ADRA1A: variants seen among roughly 807,000 people sequenced by gnomAD.
ADRA1A encodes adrenoceptor alpha 1A.
A neutral mutation model predicts 29.6 loss-of-function variants in ADRA1A; 31 were observed. The ratio of observed to expected loss-of-function variants is 1.05; its 90% confidence interval spans 0.79 to 1.41. ADRA1A has a LOEUF of 1.41. Among genes scored for constraint, ADRA1A ranks in the 40% most tolerant of loss-of-function variants. ADRA1A has a pLI of 0.00. For synonymous variants in ADRA1A, 311 were observed against 254.3 expected, an observed-to-expected ratio of 1.22 and a Z score of -2.12; for missense variants, 619 against 601.1, an observed-to-expected ratio of 1.03 and a Z score of -0.31.
chr8:26,818,409 G>A (rs1034322283), intron 2 of ADRA1A, among the ~76,000 whole-genome samples: 6 of 151,940 alleles, frequency 3.9e-5, no homozygotes, highest in African/African-American at 1.4e-4. Context: ...ACATTTTTTT[G>A]TTTGTAAAAT....
At chr8:26,758,682 A>G (rs1219750047) in intron 2 of ADRA1A, among the ~76,000 whole-genome samples, 1 of 152,072 alleles carries the variant, frequency 6.6e-6, no homozygotes, top group African/African-American at 2.4e-5. Flanking sequence ...TCTCAACACC[A>G]TTTTCCAGGT....
intron 2 of ADRA1A, among the ~76,000 whole-genome samples, chr8:26,779,792 C>A (rs1806822165): frequency 6.6e-6 from 1 of 152,160 alleles, no homozygotes; most frequent in Non-Finnish European, 1.5e-5. Context: ...TAGCTCTATT[C>A]CTGCTTGGAG....
At chr8:26,863,498 G>A (rs149049065) in intron 2 of ADRA1A, among the ~76,000 whole-genome samples, 123 of 152,124 alleles carry the variant, frequency 8.1e-4, no homozygotes, top group African/African-American at 2.9e-3. Context: ...AAATTGGTTT[G>A]GACATAAAAT....
chr8:26,830,040 T>C lies in ADRA1A; in HGVS notation c.883+34047A>G, dbSNP rs111835695. 5.8e-3 allele frequency among the ~76,000 whole-genome samples: 877 copies of C among 152,252 alleles called. 9 individuals carry two copies. The highest frequency in any genetic ancestry group is 0.021 in the African/African-American group (855 of 41,540). On this transcript the variant is annotated intron_variant, in intron 2 of 2. Coordinates refer to ENST00000380573, the MANE Select transcript of ADRA1A (RefSeq NM_000680.4). ...ATGTTTGAAGACAGCACTAAGTGTA[T>C]ATTAGAGTGAGCACTGTCCTGGGCC...
chr8:26,814,944 A>G (rs140086406), intron 2 of ADRA1A, among the ~76,000 whole-genome samples: 1 of 152,292 alleles, frequency 6.6e-6, no homozygotes, highest in East Asian at 1.9e-4. Context: ...ATTAAGTGAG[A>G]TCTAAATTAA....
chr8:26,859,258 GA>G, intron 2 of ADRA1A: 1 of 1,147,290 alleles, frequency 8.7e-7, no homozygotes, highest in Non-Finnish European at 1.1e-6. Flanking sequence ...CATTTTGCAT[GA>G]AAAACATACT....
At chr8:26,819,360 A>AATATAAAACT (rs61637558) in intron 2 of ADRA1A, among the ~76,000 whole-genome samples, 9,524 of 152,188 alleles carry the variant, frequency 0.063, 640 homozygotes, top group East Asian at 0.31. Flanking sequence ...ATCATATGAA[A>AATATAAAACT]ATATAAAACT....
chr8:26,757,625 G>C lies in ADRA1A; in HGVS notation c.1270-846C>G, dbSNP rs185356302. On this transcript the variant is annotated intron_variant, in intron 2 of 2. Coordinates refer to the ADRA1A transcript ENST00000380582. ...TGTATGATGTGAAAGCCAGGCTTTG[G>C]GGGTATTATGGTGATCTTCAATTTG... Among the ~76,000 whole-genome samples, 6 of 152,202 alleles carry C rather than the reference G, an allele frequency of 3.9e-5. No homozygotes were observed. In the East Asian group the frequency reaches 7.8e-4, roughly 20 times the overall value.
In ADRA1A at chr8:26,864,564, T is replaced by G. The variant is rs1292727649; in HGVS notation, c.406A>C (p.Thr136Pro). The G allele has an allele frequency of 6.2e-7, 1 of 1,614,028 alleles. No homozygotes were observed. The highest frequency in any genetic ancestry group is 2.2e-5 in the East Asian group (1 of 44,856). ...IGVSYPLRYP[T>P]IVTQRRGLMA... is the part of the protein sequence containing the mutation. ...AGACCCCTCCTCTGGGTGACGATGG[T>G]TGGGTAGCGCAGCGGGTAGCTCACG... Residue 136 changes from threonine (T) to proline (P), a missense_variant, in exon 2 of 3, where the codon ACC (threonine) becomes CCC (proline). By Grantham distance (38) the Thr-to-Pro change is conservative. Transcript: ENST00000380573. The surrounding 1 kb of genome is among the most constrained non-coding windows in gnomAD (Gnocchi z 8.1).
At chr8:26,756,282 G>A (rs1805159854), downstream of ADRA1A, 2 of 455,568 alleles carry the variant, frequency 4.4e-6, no homozygotes, top group South Asian at 5.0e-5. Context: ...AATGAACAAG[G>A]CTTGTACAGT....
chr8:26,812,042 T>C (rs978664943), intron 2 of ADRA1A, among the ~76,000 whole-genome samples: 1 of 152,238 alleles, frequency 6.6e-6, no homozygotes, highest in Non-Finnish European at 1.5e-5. Context: ...TGGGCTGATA[T>C]GTCTTTTCTA....
chr8:26,765,726 C>G, downstream of ADRA1A: 3 of 978,234 alleles, frequency 3.1e-6, no homozygotes, highest in Non-Finnish European at 3.8e-6. Context: ...GAGCAGAGCT[C>G]TTTCTTTAAT....
chr8:26,760,725 A>G lies in ADRA1A; in HGVS notation c.1270-3946T>C, dbSNP rs540529731. ...CCTCTCGGAGTCTAGGGTCTGTCCT[A>G]TTTAATGATGGGGCTCTGCTTCCTC... is the stretch of plus-strand genomic sequence containing the variant. On this transcript the variant is annotated intron_variant, in intron 2 of 2. Transcript: ENST00000380582. Among the ~76,000 whole-genome samples the G allele has an allele frequency of 1.4e-4, 22 of 152,212 alleles. No homozygotes were observed. In the South Asian group the frequency reaches 2.1e-3, roughly 14 times the overall value.
Position 26,750,575 on chromosome 8 carries a change from C to A in ADRA1A, c.1270-1827G>T, listed in dbSNP as rs142851834. ...TCATGACCTAATTACTTCCCAAAGG[C>A]CCCACCTCCAAATAGTTTTACAATG... On this transcript the variant is annotated intron_variant, in intron 2 of 2. Transcript: ENST00000380586. Among the ~76,000 whole-genome samples, 654 of 152,326 alleles carry A rather than the reference C, an allele frequency of 4.3e-3. 8 individuals are homozygous for A. The highest frequency in any genetic ancestry group is 0.015 in the African/African-American group (622 of 41,568).
rs1348554232 is a variant in ADRA1A at position 26,848,259 on chromosome 8, C to A, written c.883+15828G>T. Among the ~76,000 whole-genome samples the A allele has an allele frequency of 1.3e-5, 2 of 152,214 alleles. No individual in the cohort carries two copies. The highest frequency in any genetic ancestry group is 4.8e-5 in the African/African-American group (2 of 41,450). ...TAAATTAGACACAGTAAGTGCCATG[C>A]AAGTACCACTAATATGGATGGAAAG... is the stretch of plus-strand genomic sequence containing the variant. On this transcript the variant is annotated intron_variant, in intron 2 of 2. Coordinates refer to ENST00000380573, the MANE Select transcript of ADRA1A (RefSeq NM_000680.4). This position sits in a 1 kb window ranked among gnomAD's most constrained non-coding sequence, Gnocchi z 4.3.
chr8:26,757,289 ATGGC>A (rs1805225620), intron 2 of ADRA1A, among the ~76,000 whole-genome samples: 1 of 152,144 alleles, frequency 6.6e-6, no homozygotes, highest in Non-Finnish European at 1.5e-5. Context: ...GCCTCCGAGC[ATGGC>A]TGACTACCCC....
downstream of ADRA1A, chr8:26,766,181 G>A (rs753930956): frequency 2.3e-6 from 3 of 1,277,136 alleles, no homozygotes; most frequent in East Asian, 6.9e-5. Context: ...TGGAATACAG[G>A]TGAGTGAGAG....
intron 2 of ADRA1A, among the ~76,000 whole-genome samples, chr8:26,760,272 G>A (rs1190735700): frequency 6.6e-6 from 1 of 152,220 alleles, no homozygotes; most frequent in African/African-American, 2.4e-5. Flanking sequence ...CACAAGGTGT[G>A]CAGGCCAGGA....
intron 2 of ADRA1A, among the ~76,000 whole-genome samples, chr8:26,833,844 G>A (rs1397287029): frequency 6.6e-6 from 1 of 152,184 alleles, no homozygotes; most frequent in Non-Finnish European, 1.5e-5. Flanking sequence ...TGAAAAGAAA[G>A]CCTTTTATAT....
Sources: allele counts gnomAD v4.1 joint callset (sites outside exome capture counted in the v4.1 genomes callset), GRCh38; gene constraint gnomAD v4.1.1; non-coding constraint Gnocchi (gnomAD v3.1); transcripts MANE v1.5; gene names NCBI Gene and HGNC (gene_info 2026-07-23, HGNC 2026-07-21).